Variants in UBE2N observed in about 807,000 individuals in gnomAD.
UBE2N encodes ubiquitin conjugating enzyme E2 N.
For synonymous variants in UBE2N, 70 were observed against 69.2 expected (o/e 1.01, Z -0.06); for missense variants, 60 against 192.1 (o/e 0.31, Z 4.07).
At chr12:93,427,133 T>A (rs1878618774) in intron 1 of UBE2N, among the ~76,000 whole-genome samples, 1 of 152,024 alleles carries the variant, frequency 6.6e-6, no homozygotes, top group African/African-American at 2.4e-5. Flanking sequence ...TTGGCCAGGC[T>A]GGTCTCGAGC....
intron 1 of UBE2N, among the ~76,000 whole-genome samples, chr12:93,433,166 C>T (rs556369642): frequency 1.6e-4 from 25 of 152,192 alleles, no homozygotes; most frequent in Admixed American, 1.2e-3. Context: ...ATCTCCTGAC[C>T]TTGTGATCCT....
At chr12:93,420,160 C>CA (rs1435300325) in intron 1 of UBE2N, among the ~76,000 whole-genome samples, 1 of 152,200 alleles carries the variant, frequency 6.6e-6, no homozygotes, top group African/African-American at 2.4e-5. Context: ...GACTAAATCT[C>CA]AGAGTACTTT....
At chr12:93,415,197 T>C (rs958727338) in intron 1 of UBE2N, among the ~76,000 whole-genome samples, 6 of 152,224 alleles carry the variant, frequency 3.9e-5, no homozygotes, top group Non-Finnish European at 8.8e-5. Flanking sequence ...GAACATTTTA[T>C]TTACACTGCC....
At chr12:93,432,333 AT>A (rs913711370) in intron 1 of UBE2N, among the ~76,000 whole-genome samples, 2 of 151,650 alleles carry the variant, frequency 1.3e-5, no homozygotes, top group African/African-American at 2.4e-5. Flanking sequence ...CTGAAAAAAA[AT>A]CTCATGAATG....
chr12:93,416,101 T>C (rs1355917477), intron 1 of UBE2N, among the ~76,000 whole-genome samples: 1 of 152,228 alleles, frequency 6.6e-6, no homozygotes, highest in Non-Finnish European at 1.5e-5. Flanking sequence ...CAAGTTCTAA[T>C]GGACTGACAC....
At chr12:93,417,086 A>G (rs1878241530) in intron 1 of UBE2N, among the ~76,000 whole-genome samples, 1 of 152,200 alleles carries the variant, frequency 6.6e-6, no homozygotes, top group Non-Finnish European at 1.5e-5. Flanking sequence ...GAAGTTAGTT[A>G]CTAAAATAGA....
chr12:93,429,231 T>C (rs865910819), intron 1 of UBE2N: 5 of 373,134 alleles, frequency 1.3e-5, no homozygotes, highest in Admixed American at 7.3e-5. Flanking sequence ...GATCACACCA[T>C]TGCACTCCAG....
At chr12:93,437,245 G>GATCT (rs1878960336) in intron 1 of UBE2N, among the ~76,000 whole-genome samples, 1 of 152,050 alleles carries the variant, frequency 6.6e-6, no homozygotes, top group Non-Finnish European at 1.5e-5. Context: ...GGAGGCTGAA[G>GATCT]GTAGAGATCA....
In UBE2N at chr12:93,406,295, A is replaced by AAAAAAAAAAAAAAAAAAAAAAAAAAAAC. The variant is rs1877812552; in HGVS notation, c.*3743_*3744insGTTTTTTTTTTTTTTTTTTTTTTTTTTT. The AAAAAAAAAAAAAAAAAAAAAAAAAAAAC allele has an allele frequency of 6.9e-6, 1 of 144,758 alleles. No individual in the cohort carries two copies. The highest frequency in any genetic ancestry group is 1.5e-5 in the Non-Finnish European group (1 of 66,430). The allele number at this position is 144,758 out of a possible 1,614,324, so 9.0% of individuals were successfully genotyped here. A position where few individuals can be genotyped will look rare whatever the true frequency, so the allele number is the denominator to read the frequency against. On this transcript the variant is annotated 3_prime_UTR_variant, in exon 4 of 4. Coordinates refer to ENST00000318066, the MANE Select transcript of UBE2N (RefSeq NM_003348.4). Reference sequence around the variant, plus strand: ...GCAGCCAAAAAAAAAAAAAAAAAAAAAAAAAAAAAAGGTTCCTGAACCATT... The same window carrying AAAAAAAAAAAAAAAAAAAAAAAAAAAAC: ...GCAGCCAAAAAAAAAAAAAAAAAAAAAAAAAAAAAAAAAAAAAAAAAAAAAAACAAAAAAAAAAGGTTCCTGAACCATT...
intron 1 of UBE2N, among the ~76,000 whole-genome samples, chr12:93,421,197 C>T (rs887446668): frequency 7.7e-6 from 1 of 130,458 alleles, no homozygotes; most frequent in Non-Finnish European, 1.6e-5. Context: ...CTTTTTCTTT[C>T]TTTTTTTTTT....
intron 1 of UBE2N, among the ~76,000 whole-genome samples, chr12:93,416,280 A>G (rs894681637): frequency 6.6e-6 from 1 of 152,200 alleles, no homozygotes; most frequent in African/African-American, 2.4e-5. Context: ...TTTTTTCCTA[A>G]AAAGGCAAAA....
intron 1 of UBE2N, among the ~76,000 whole-genome samples, chr12:93,432,379 GA>G: frequency 6.6e-6 from 1 of 151,486 alleles, no homozygotes; most frequent in East Asian, 1.9e-4. Flanking sequence ...CAAGGTTACA[GA>G]AAACTGAAAT....
At chr12:93,420,949 A>C (rs1207527973) in intron 1 of UBE2N, among the ~76,000 whole-genome samples, 1 of 152,194 alleles carries the variant, frequency 6.6e-6, no homozygotes, top group Non-Finnish European at 1.5e-5. Context: ...TGCAATTATC[A>C]AGCACTGTCC....
Position 93,441,771 on chromosome 12 carries a change from C to G in UBE2N, c.30+84G>C. The stretch of plus-strand genomic sequence containing the variant: ...GGGCCTCCCAGAGCGGGCCGCGGGC[C>G]GAAGGAGGCGAGAGGCCGCGCTGCC... On this transcript the variant is annotated intron_variant, in intron 1 of 3. Transcript: ENST00000318066. The G allele has an allele frequency of 2.6e-6, 4 of 1,540,922 alleles. 1 individual carries two copies. The highest frequency in any genetic ancestry group is 5.4e-5 in the East Asian group (2 of 37,238).
At position 93,411,202 on chromosome 12, in the gene UBE2N, T is replaced by C; in HGVS notation, c.128A>G (p.Gln43Arg). 6.2e-7 allele frequency: 1 copy of C among 1,614,232 alleles called. No individual in the cohort carries two copies. Among genetic ancestry groups the C allele is most frequent in the Non-Finnish European group, 8.5e-7 (1 of 1,180,026 alleles). The change falls in exon 2 of 4, where the codon CAG (glutamine) becomes CGG (arginine). Residue 43 changes from glutamine (Q) to arginine (R), a missense_variant. Coordinates refer to ENST00000318066, the MANE Select transcript of UBE2N (RefSeq NM_003348.4). ...RYFHVVIAGP[Q>R]DSPFEGGTFK... The stretch of plus-strand genomic sequence containing the variant: ...AGTCCCTCCCTCAAAGGGGGAATCC[T>C]GAGGGCCAGCAATGACCACATGAAA...
intron 1 of UBE2N, among the ~76,000 whole-genome samples, chr12:93,437,472 C>T (rs1347276328): frequency 6.6e-6 from 1 of 152,076 alleles, no homozygotes; most frequent in East Asian, 1.9e-4. Flanking sequence ...CAGAAAGTTG[C>T]TCTGGTCTTC....
chr12:93,432,665 T>TA (rs1319194871), intron 1 of UBE2N, among the ~76,000 whole-genome samples: 2 of 152,076 alleles, frequency 1.3e-5, no homozygotes, highest in Non-Finnish European at 2.9e-5. Context: ...TTTCAAAATA[T>TA]AAATTCATTT....
chr12:93,429,043 G>A (rs1035557672), intron 1 of UBE2N, among the ~76,000 whole-genome samples: 24 of 152,138 alleles, frequency 1.6e-4, no homozygotes, highest in Non-Finnish European at 2.1e-4. Context: ...AGGCTGAGGC[G>A]GGCGGATCAC....
At chr12:93,428,506 T>C (rs1878658382) in intron 1 of UBE2N, among the ~76,000 whole-genome samples, 1 of 152,202 alleles carries the variant, frequency 6.6e-6, no homozygotes, top group Non-Finnish European at 1.5e-5. Context: ...TTCTTTGGTG[T>C]TCCCATTGAT....
Sources: gnomAD v4.1 joint callset for allele counts (sites outside exome capture counted in the v4.1 genomes callset) on GRCh38, gnomAD v4.1.1 for gene constraint, MANE v1.5 for transcripts, NCBI Gene and HGNC (gene_info 2026-07-23, HGNC 2026-07-21) for gene names.